The following SPRR2G variants were observed in gnomAD, a reference collection of about 807,000 sequenced individuals.
The protein encoded by SPRR2G is small proline rich protein 2G.
SPRR2G carries 1 observed loss-of-function variant against 0.7 expected under a neutral mutation model. The ratio of observed to expected loss-of-function variants is 1.49; its 90% CI spans 0.53 to 7.06. The LOEUF (loss-of-function observed/expected upper bound fraction) is 7.06, where lower values mean the gene tolerates loss of function less well. SPRR2G is among the 30% of genes most tolerant of loss of function. The pLI, the probability that SPRR2G is intolerant of heterozygous loss-of-function variation, is 0.14. For synonymous variants in SPRR2G, 38 were observed against 33.9 expected (o/e 1.12, Z -0.42); for missense variants, 96 against 88.5 (o/e 1.09, Z -0.34).
the SPRR2G span, among the ~76,000 whole-genome samples, chr1:153,166,825 A>T: frequency 6.6e-6 from 1 of 152,208 alleles, no homozygotes; most frequent in East Asian, 1.9e-4. Flanking sequence ...GAGACAGAAA[A>T]TATCTTGATG....
At chr1:153,192,396 C>T in the SPRR2G span, among the ~76,000 whole-genome samples, 2 of 152,162 alleles carry the variant, frequency 1.3e-5, no homozygotes, top group Admixed American at 1.3e-4. Context: ...AATAGCCTCT[C>T]CCTTATTTCC....
chr1:153,184,567 CT>C, the SPRR2G span, among the ~76,000 whole-genome samples: 1 of 152,086 alleles, frequency 6.6e-6, no homozygotes, highest in Non-Finnish European at 1.5e-5. Context: ...TATCCTGAGA[CT>C]GCTGTATTTG....
chr1:153,185,716 A>T, the SPRR2G span, among the ~76,000 whole-genome samples: 4 of 151,996 alleles, frequency 2.6e-5, no homozygotes, highest in South Asian at 6.2e-4. Context: ...TATCTCCTTC[A>T]GTTCTGGTCA....
chr1:153,201,270 A>G, the SPRR2G span, among the ~76,000 whole-genome samples: 1 of 152,186 alleles, frequency 6.6e-6, no homozygotes, highest in East Asian at 1.9e-4. Flanking sequence ...TTTACAGAGG[A>G]AGGTTTTAAA....
chr1:153,200,846 T>C, the SPRR2G span, among the ~76,000 whole-genome samples: 3 of 152,098 alleles, frequency 2.0e-5, no homozygotes, highest in African/African-American at 7.2e-5. Flanking sequence ...ATTTCAGGCA[T>C]GCGCCACCAC....
chr1:153,161,824 T>G, the SPRR2G span, among the ~76,000 whole-genome samples: 69,437 of 152,012 alleles, frequency 0.46, 17,258 homozygotes, highest in Non-Finnish European at 0.57. Flanking sequence ...TCAGGTAATA[T>G]GCAGACTTTG....
chr1:153,171,084 GT>G, the SPRR2G span, among the ~76,000 whole-genome samples: 1 of 152,174 alleles, frequency 6.6e-6, no homozygotes. Context: ...TGGCAAGGCT[GT>G]TCTTGTCACT....
At chr1:153,202,073 A>G in the SPRR2G span, among the ~76,000 whole-genome samples, 3 of 152,266 alleles carry the variant, frequency 2.0e-5, no homozygotes, top group African/African-American at 7.2e-5. Flanking sequence ...ATTTTAAAAA[A>G]AGAACAACTT....
the SPRR2G span, among the ~76,000 whole-genome samples, chr1:153,200,500 G>C: frequency 1.6e-4 from 25 of 152,196 alleles, no homozygotes; most frequent in Admixed American, 1.2e-3. Context: ...AATTCTATGA[G>C]TCTAGTGAGG....
the SPRR2G span, among the ~76,000 whole-genome samples, chr1:153,171,028 C>G: frequency 0.23 from 35,311 of 152,108 alleles, 5,623 homozygotes; most frequent in African/African-American, 0.45. Flanking sequence ...AGTGACATCA[C>G]ATGGGAGGGT....
At chr1:153,183,981 T>C in the SPRR2G span, among the ~76,000 whole-genome samples, 2 of 151,810 alleles carry the variant, frequency 1.3e-5, no homozygotes, top group Non-Finnish European at 2.9e-5. Flanking sequence ...AGGGAATTCC[T>C]TCCCCATTGC....
chr1:153,156,875 T>A, the SPRR2G span, among the ~76,000 whole-genome samples: 1 of 152,226 alleles, frequency 6.6e-6, no homozygotes, highest in Non-Finnish European at 1.5e-5. Context: ...GTATTTAAAT[T>A]GATTTCCAAT....
rs1656416582 is a variant in SPRR2G, at chr1:153,149,729, G to A, written c.*160C>T. ...CTGCTCATCTTCCAACAACATATCG[G>A]TTTTCAGAACTAAGCCTTTTCTCTG... On this transcript the variant is annotated 3_prime_UTR_variant, in exon 2 of 2. Transcript: ENST00000368748. 1 of 911,416 alleles carries A rather than the reference G, an allele frequency of 1.1e-6. No individual in the cohort carries two copies. The highest frequency in any genetic ancestry group is 2.2e-5 in the Admixed American group (1 of 44,490). The allele number at this position is 911,416 out of a possible 1,614,324, so 56.5% of individuals were successfully genotyped here. A position where few individuals can be genotyped will look rare whatever the true frequency, so the allele number is the denominator to read the frequency against.
the SPRR2G span, among the ~76,000 whole-genome samples, chr1:153,164,695 A>G: frequency 1.3e-5 from 2 of 152,218 alleles, no homozygotes; most frequent in Non-Finnish European, 2.9e-5. Flanking sequence ...CCTAAACATC[A>G]CTTCATTGTG....
chr1:153,160,002 G>T, the SPRR2G span, among the ~76,000 whole-genome samples: 1 of 152,150 alleles, frequency 6.6e-6, no homozygotes, highest in Non-Finnish European at 1.5e-5. Context: ...TGCACAGCAG[G>T]TCTCTAGAAT....
At chr1:153,183,915 T>A in the SPRR2G span, among the ~76,000 whole-genome samples, 1 of 152,230 alleles carries the variant, frequency 6.6e-6, no homozygotes, top group Non-Finnish European at 1.5e-5. Context: ...AAGGAAGGGA[T>A]CCAGTTTCAG....
At chr1:153,167,664 G>A in the SPRR2G span, among the ~76,000 whole-genome samples, 2 of 152,106 alleles carry the variant, frequency 1.3e-5, no homozygotes, top group Admixed American at 6.6e-5. Context: ...ATGTACAATG[G>A]AGGATAACTC....
the SPRR2G span, among the ~76,000 whole-genome samples, chr1:153,172,817 G>A: frequency 6.6e-6 from 1 of 152,186 alleles, no homozygotes; most frequent in Non-Finnish European, 1.5e-5. Context: ...TCCCTAAAAG[G>A]AGAGAAGAGT....
chr1:153,196,631 G>C, the SPRR2G span, among the ~76,000 whole-genome samples: 1 of 152,136 alleles, frequency 6.6e-6, no homozygotes, highest in South Asian at 2.1e-4. Context: ...TTGTAAAGCT[G>C]GTTAAGAAAT....
Sources: allele counts gnomAD v4.1 joint callset (sites outside exome capture counted in the v4.1 genomes callset), GRCh38; gene constraint gnomAD v4.1.1; transcripts MANE v1.5; gene names NCBI Gene and HGNC (gene_info 2026-07-23, HGNC 2026-07-21).